Variants in EPS8 observed in about 807,000 individuals in gnomAD.
EPS8 encodes epidermal growth factor receptor kinase substrate 8.
In EPS8, 42 loss-of-function variants were observed where a neutral mutation model predicts 103.8. The ratio of observed to expected loss-of-function variants is 0.40; its 90% CI spans 0.32 to 0.52. EPS8 has a LOEUF of 0.52. Ranked by LOEUF, EPS8 falls within the 20% of genes least tolerant of loss-of-function variation. EPS8 has a pLI of 0.40. For missense variants in EPS8, 969 were observed against 1,005.1 expected (o/e 0.96, Z 0.49); for synonymous variants, 344 against 344.6 (o/e 1.00, Z 0.02).
rs1021917693 is a variant in EPS8 at position 15,767,571 on chromosome 12, T to C, written c.-22+21590A>G. ...AGAAGTACTTTATTATCCTCATTGT[T>C]ACTCTATTTTCCAAAACAGTGAACT... is the stretch of plus-strand genomic sequence containing the variant. On this transcript the variant is annotated intron_variant, in intron 1 of 20. Transcript: ENST00000281172. This position sits in a 1 kb window ranked among gnomAD's most constrained non-coding sequence, Gnocchi z 5.5. Among the ~76,000 whole-genome samples the C allele has an allele frequency of 1.3e-5, 2 of 152,206 alleles. No homozygotes were observed. The highest frequency in any genetic ancestry group is 2.4e-5 in the African/African-American group (1 of 41,458).
At chr12:15,626,292 C>A (rs1348312293) in intron 18 of EPS8, among the ~76,000 whole-genome samples, 1 of 152,130 alleles carries the variant, frequency 6.6e-6, no homozygotes, top group African/African-American at 2.4e-5. Context: ...TACCACCCTA[C>A]CCATTTCTCT....
chr12:15,709,686 AG>A (rs1946435267), intron 1 of EPS8, among the ~76,000 whole-genome samples: 1 of 152,242 alleles, frequency 6.6e-6, no homozygotes, highest in Non-Finnish European at 1.5e-5. Context: ...ATGCCAGGCC[AG>A]AGCAACGGGA....
intron 8 of EPS8, among the ~76,000 whole-genome samples, chr12:15,663,944 A>AAAAAAAAAAT (rs1555112203): frequency 1.2e-5 from 1 of 85,974 alleles, no homozygotes; most frequent in African/African-American, 4.5e-5. Context: ...AAAAAAAAAA[A>AAAAAAAAAAT]AATAATATAT....
chr12:15,625,345 C>A (rs1016791945), intron 18 of EPS8, among the ~76,000 whole-genome samples: 3 of 152,300 alleles, frequency 2.0e-5, no homozygotes, highest in African/African-American at 7.2e-5. Flanking sequence ...TCCTTCTTCA[C>A]TGAATCAGTT....
rs1191730992 is a variant in EPS8, at chr12:15,663,972, T to C, written c.736+1784A>G. The stretch of plus-strand genomic sequence containing the variant: ...TAATATATATATATATATATATATA[T>C]ATATACACACACACATATATATATG... On this transcript the variant is annotated intron_variant, in intron 8 of 20. Transcript: ENST00000281172. Among the ~76,000 whole-genome samples, 115 of 89,568 alleles carry C rather than the reference T, an allele frequency of 1.3e-3. 4 individuals are homozygous for C. The highest frequency in any genetic ancestry group is 4.1e-3 in the African/African-American group (114 of 27,770). 58.8% of individuals were successfully genotyped at this position (89,568 alleles called of 152,430 possible).
At chr12:15,783,252 T>C (rs895472540) in intron 1 of EPS8, among the ~76,000 whole-genome samples, 3 of 152,202 alleles carry the variant, frequency 2.0e-5, no homozygotes, top group Non-Finnish European at 4.4e-5. Context: ...GTTTTCCTAA[T>C]AAAATTTTCT....
Position 15,624,079 on chromosome 12 carries a change from C to G in EPS8, c.2225+148G>C, listed in dbSNP as rs67319686. On this transcript the variant is annotated intron_variant, in intron 19 of 20. Coordinates refer to ENST00000281172, the MANE Select transcript of EPS8 (RefSeq NM_004447.6). ...ATTTTAGTTCTTTTTCAGCTATGAA[C>G]AGCTATAGTGAGTTCTTGAGTATGG... 0.036 allele frequency: 20,072 copies of G among 554,852 alleles called. 886 individuals carry two copies. The highest frequency in any genetic ancestry group is 0.17 in the African/African-American group (8,572 of 50,934). 34.4% of individuals were successfully genotyped at this position (554,852 alleles called of 1,614,324 possible).
In EPS8 at chr12:15,695,078, T is replaced by A. The variant is rs1346611250; in HGVS notation, c.-21-12106A>T. On this transcript the variant is annotated intron_variant, in intron 1 of 20. Transcript: ENST00000281172. This position sits in a 1 kb window ranked among gnomAD's most constrained non-coding sequence, Gnocchi z 5.0. ...AGGTAAAAAGAACTTCTTATTCTCA[T>A]TTTAATGAGAATCTGAGACTTTAAA... Among the ~76,000 whole-genome samples the A allele has an allele frequency of 6.6e-6, 1 of 152,186 alleles. No homozygotes were observed. The highest frequency in any genetic ancestry group is 1.5e-5 in the Non-Finnish European group (1 of 68,022).
At chr12:15,730,669 A>G (rs771531773) in intron 1 of EPS8, among the ~76,000 whole-genome samples, 1 of 152,100 alleles carries the variant, frequency 6.6e-6, no homozygotes, top group Non-Finnish European at 1.5e-5. Flanking sequence ...TCTTCTCTGT[A>G]TTTGCTTCCT....
At chr12:15,643,688 G>A (rs931269276) in intron 15 of EPS8, among the ~76,000 whole-genome samples, 5 of 140,018 alleles carry the variant, frequency 3.6e-5, no homozygotes, top group South Asian at 2.3e-4. Flanking sequence ...GCAGTAGGCC[G>A]ATATCGTGCC....
rs1591891752 is a variant in EPS8, at chr12:15,717,955, G to T, written c.-21-34983C>A. Among the ~76,000 whole-genome samples the T allele has an allele frequency of 6.6e-6, 1 of 152,102 alleles. No individual in the cohort carries two copies. Among genetic ancestry groups the T allele is most frequent in the Non-Finnish European group, 1.5e-5 (1 of 68,000 alleles). On this transcript the variant is annotated intron_variant, in intron 1 of 20. Transcript: ENST00000281172. This position sits in a 1 kb window ranked among gnomAD's most constrained non-coding sequence, Gnocchi z 4.3. Reference sequence around the variant, plus strand: ...CTCCAATAAGACATGATCTTATTTGGCAATTTCAGTTAAAAAGACAGCAAG... The same window carrying T: ...CTCCAATAAGACATGATCTTATTTGTCAATTTCAGTTAAAAAGACAGCAAG...
chr12:15,741,983 G>A (rs1022922823), intron 1 of EPS8, among the ~76,000 whole-genome samples: 10 of 152,192 alleles, frequency 6.6e-5, no homozygotes, highest in African/African-American at 2.4e-4. Context: ...CTGTCCTTGC[G>A]ATAGTTTGCT....
chr12:15,676,582 C>T (rs1254238161), intron 3 of EPS8, among the ~76,000 whole-genome samples: 3 of 151,962 alleles, frequency 2.0e-5, no homozygotes, highest in Admixed American at 6.6e-5. Flanking sequence ...CACACCCAAG[C>T]GAAGGGAATA....
intron 1 of EPS8, among the ~76,000 whole-genome samples, chr12:15,743,464 A>C (rs1007079119): frequency 3.9e-5 from 6 of 152,204 alleles, no homozygotes; most frequent in Non-Finnish European, 8.8e-5. Flanking sequence ...AGACAATCCT[A>C]AGCCAAAAGA....
At chr12:15,720,751 G>A (rs1416955441) in intron 1 of EPS8, among the ~76,000 whole-genome samples, 1 of 151,996 alleles carries the variant, frequency 6.6e-6, no homozygotes, top group Non-Finnish European at 1.5e-5. Context: ...CTTCTTCTAT[G>A]ACCTCCTTGC....
intron 3 of EPS8, among the ~76,000 whole-genome samples, chr12:15,678,179 A>C (rs1284483789): frequency 6.6e-6 from 1 of 152,144 alleles, no homozygotes; most frequent in African/African-American, 2.4e-5. Flanking sequence ...CCTAAAAAAA[A>C]ACTTCAACTA....
intron 9 of EPS8, 90 bp downstream of exon 9, chr12:15,661,936 C>A: frequency 1.1e-6 from 1 of 912,954 alleles, no homozygotes; most frequent in Non-Finnish European, 1.7e-6. Flanking sequence ...CATAAAATAT[C>A]TCTATTTAAA....
chr12:15,628,014 T>G (rs535613287), intron 18 of EPS8, among the ~76,000 whole-genome samples: 1 of 151,592 alleles, frequency 6.6e-6, no homozygotes, highest in East Asian at 2.0e-4. Context: ...TAGTTAGTGT[T>G]ATTTCAGTCT....
chr12:15,631,860 G>T, intron 17 of EPS8, 196 bp from the exon 18 acceptor site: 1 of 495,100 alleles, frequency 2.0e-6, no homozygotes, highest in Non-Finnish European at 3.5e-6. Context: ...TTTGTTCAAA[G>T]TCAAAACATT....
Sources: gnomAD v4.1 joint callset for allele counts (sites outside exome capture counted in the v4.1 genomes callset) on GRCh38, gnomAD v4.1.1 for gene constraint, Gnocchi (gnomAD v3.1) non-coding constraint, MANE v1.5 for transcripts, NCBI Gene and HGNC (gene_info 2026-07-23, HGNC 2026-07-21) for gene names.